Variants in UBE3D observed in about 807,000 individuals in gnomAD.
UBE3D encodes E3 ubiquitin-protein ligase E3D.
A neutral mutation model predicts 49.6 loss-of-function variants in UBE3D; 48 were observed. The observed-to-expected ratio is 0.97, with a 90% CI of 0.77 to 1.23. The LOEUF (loss-of-function observed/expected upper bound fraction) is 1.23, where lower values mean the gene tolerates loss of function less well. Among genes scored for constraint, UBE3D ranks in the 50% most tolerant of loss-of-function variants. The pLI is 0.00. For synonymous variants in UBE3D, 189 were observed against 174.2 expected, an observed-to-expected ratio of 1.08 and a Z score of -0.67; for missense variants, 452 against 468.4, an observed-to-expected ratio of 0.96 and a Z score of 0.32.
chr6:82,977,732 G>A (rs1362680597), intron 8 of UBE3D, among the ~76,000 whole-genome samples: 2 of 152,076 alleles, frequency 1.3e-5, no homozygotes, highest in Non-Finnish European at 2.9e-5. Context: ...CAGCTACTCA[G>A]GAGGCTGAGG....
intron 9 of UBE3D, among the ~76,000 whole-genome samples, chr6:82,916,102 T>C (rs1034939664): frequency 6.6e-6 from 1 of 152,218 alleles, no homozygotes; most frequent in Admixed American, 6.5e-5. Context: ...TCATTGACTT[T>C]ATCATTACAA....
intron 8 of UBE3D, among the ~76,000 whole-genome samples, chr6:83,008,568 G>A (rs1365806109): frequency 6.6e-6 from 1 of 152,032 alleles, no homozygotes; most frequent in African/African-American, 2.4e-5. Flanking sequence ...TAGAAAGAAG[G>A]AACACTCTAA....
intron 5 of UBE3D, 52 bp from the exon 6 acceptor site, chr6:83,024,090 T>G: frequency 2.9e-6 from 3 of 1,032,784 alleles, no homozygotes; most frequent in Non-Finnish European, 4.2e-6. Flanking sequence ...AATAATTTTA[T>G]TGTGGGCAAG....
At chr6:82,950,361 AAC>A (rs751428516) in intron 9 of UBE3D, among the ~76,000 whole-genome samples, 32 of 152,322 alleles carry the variant, frequency 2.1e-4, no homozygotes, top group Non-Finnish European at 4.0e-4. Flanking sequence ...AAGACAGGCT[AAC>A]AAATGCTGGC....
intron 8 of UBE3D, among the ~76,000 whole-genome samples, chr6:83,006,528 A>G (rs1470250528): frequency 6.6e-6 from 1 of 152,190 alleles, no homozygotes; most frequent in Admixed American, 6.5e-5. Context: ...CCATGCAAGG[A>G]CACAGAGAGA....
intron 9 of UBE3D, among the ~76,000 whole-genome samples, chr6:82,902,356 C>T (rs968826015): frequency 6.6e-6 from 1 of 152,178 alleles, no homozygotes; most frequent in Non-Finnish European, 1.5e-5. Flanking sequence ...TTTAAGGCAG[C>T]ATTATTTTAA....
At chr6:82,987,068 C>T (rs1421571740) in intron 8 of UBE3D, among the ~76,000 whole-genome samples, 1 of 152,006 alleles carries the variant, frequency 6.6e-6, no homozygotes, top group South Asian at 2.1e-4. Flanking sequence ...CCTCAGCCTC[C>T]TGAGTAGCTG....
rs181485097 is a variant in UBE3D, at chr6:83,021,020, A to G, written c.846+1433T>C. 9.2e-5 allele frequency among the ~76,000 whole-genome samples: 14 copies of G among 152,320 alleles called. No individual in the cohort carries two copies. In the East Asian group the frequency reaches 2.7e-3, roughly 29 times the overall value. On this transcript the variant is annotated intron_variant, in intron 7 of 9. Transcript: ENST00000369747. ...GCTTCTGCAGGACACTGTTTTTCAG[A>G]GGTAGTGTAATATTAGGCTCTAGTG...
At chr6:83,064,678 G>A (rs535879946) in intron 1 of UBE3D, among the ~76,000 whole-genome samples, 1 of 152,160 alleles carries the variant, frequency 6.6e-6, no homozygotes, top group Non-Finnish European at 1.5e-5. Context: ...GGAGATATTT[G>A]TCCAAATTCA....
rs1317611747 is a variant in UBE3D at position 83,029,687 on chromosome 6, T to C, written c.668-5649A>G. ...GCAGGACATTGTGTGCAATATGTTG[T>C]AGCAACTGTGGATTTTGTGTTGCTC... On this transcript the variant is annotated intron_variant, in intron 5 of 9. Coordinates refer to ENST00000369747, the MANE Select transcript of UBE3D (RefSeq NM_198920.3). Among the ~76,000 whole-genome samples, 4 of 152,342 alleles carry C rather than the reference T, an allele frequency of 2.6e-5. No individual in the cohort carries two copies. In the South Asian group the frequency reaches 6.2e-4, roughly 24 times the overall value.
rs528826303 is a variant in UBE3D, at chr6:82,943,954, G to A, written c.1149+13358C>T. 3.9e-5 allele frequency among the ~76,000 whole-genome samples: 6 copies of A among 152,142 alleles called. No individual in the cohort carries two copies. In the South Asian group the frequency reaches 6.2e-4, roughly 16 times the overall value. On this transcript the variant is annotated intron_variant, in intron 9 of 9. Coordinates refer to ENST00000369747, the MANE Select transcript of UBE3D (RefSeq NM_198920.3). ...GATCAACCCTAGCCAGAAGGGAATC[G>A]CCCATCCCAGTGGTGGGAACTTGAG...
intron 9 of UBE3D, among the ~76,000 whole-genome samples, chr6:82,912,092 C>T: frequency 6.6e-6 from 1 of 151,908 alleles, no homozygotes; most frequent in East Asian, 1.9e-4. Context: ...GATTAGAACC[C>T]ATTCTTTGGC....
At chr6:82,964,591 A>T (rs1776779010) in intron 8 of UBE3D, among the ~76,000 whole-genome samples, 1 of 152,180 alleles carries the variant, frequency 6.6e-6, no homozygotes, top group African/African-American at 2.4e-5. Flanking sequence ...TATACCTGTA[A>T]ATTTTAGATG....
At chr6:83,053,747 T>C (rs1413684995) in intron 3 of UBE3D, among the ~76,000 whole-genome samples, 1 of 152,232 alleles carries the variant, frequency 6.6e-6, no homozygotes, top group Non-Finnish European at 1.5e-5. Context: ...AAGGCACTGA[T>C]AAAAACAGTT....
chr6:83,032,843 T>C (rs1388359491), intron 5 of UBE3D, among the ~76,000 whole-genome samples: 1 of 152,216 alleles, frequency 6.6e-6, no homozygotes, highest in Non-Finnish European at 1.5e-5. Flanking sequence ...GCAGTTCCCC[T>C]GCACATGCTC....
intron 5 of UBE3D, among the ~76,000 whole-genome samples, chr6:83,024,637 TATTG>T (rs1781327019): frequency 6.6e-6 from 1 of 152,164 alleles, no homozygotes; most frequent in Non-Finnish European, 1.5e-5. Context: ...GTTAAAACTC[TATTG>T]ATCACCTGAC....
intron 8 of UBE3D, among the ~76,000 whole-genome samples, chr6:82,964,877 A>G (rs1264987895): frequency 2.0e-5 from 3 of 152,224 alleles, no homozygotes; most frequent in Non-Finnish European, 4.4e-5. Context: ...ACCCTGAAAA[A>G]ATGCACAAAC....
At chr6:83,024,473 T>C (rs1442619269) in intron 5 of UBE3D, among the ~76,000 whole-genome samples, 1 of 152,208 alleles carries the variant, frequency 6.6e-6, no homozygotes, top group Non-Finnish European at 1.5e-5. Context: ...CTTGGTCTTT[T>C]CTACCATAAT....
chr6:82,884,469 G>A, the UBE3D span, among the ~76,000 whole-genome samples: 5 of 152,088 alleles, frequency 3.3e-5, no homozygotes, highest in East Asian at 3.9e-4. Context: ...TGCAGGGAGC[G>A]GCAGGACTTT....
Sources: gnomAD v4.1 joint callset for allele counts (sites outside exome capture counted in the v4.1 genomes callset) on GRCh38, gnomAD v4.1.1 for gene constraint, MANE v1.5 for transcripts, NCBI Gene and HGNC (gene_info 2026-07-23, HGNC 2026-07-21) for gene names.